The following OPCML variants were observed in gnomAD, a reference collection of about 807,000 sequenced individuals.
OPCML encodes opioid-binding protein/cell adhesion molecule.
Under a neutral mutation model 37.8 loss-of-function variants are expected in OPCML, and 13 were observed. The observed-to-expected ratio is 0.34, with a 90% confidence interval of 0.22 to 0.55. The LOEUF (loss-of-function observed/expected upper bound fraction) is 0.55. Ranked by LOEUF, OPCML falls within the 20% of genes least tolerant of loss-of-function variation. The pLI, the probability that OPCML is intolerant of heterozygous loss-of-function variation, is 0.91. For synonymous variants in OPCML, 176 were observed against 168.8 expected, an observed-to-expected ratio of 1.04 and a Z score of -0.33; for missense variants, 341 against 435.6, an observed-to-expected ratio of 0.78 and a Z score of 1.93.
chr11:132,687,210 A>G (rs1454826518), intron 2 of OPCML, among the ~76,000 whole-genome samples: 2 of 150,718 alleles, frequency 1.3e-5, no homozygotes, highest in East Asian at 2.0e-4. Context: ...AGGGGACCAA[A>G]TTTTTCTTGA....
At chr11:133,028,249 A>T (rs1947601043) in intron 1 of OPCML, among the ~76,000 whole-genome samples, 1 of 152,130 alleles carries the variant, frequency 6.6e-6, no homozygotes, top group Non-Finnish European at 1.5e-5. Flanking sequence ...CTTAAAAAAA[A>T]ATAAAACCCA....
intron 1 of OPCML, among the ~76,000 whole-genome samples, chr11:133,526,772 C>T (rs933690698): frequency 6.6e-6 from 1 of 152,190 alleles, no homozygotes; most frequent in Non-Finnish European, 1.5e-5. Context: ...AAGTCTGGGT[C>T]TCCCACCAAC....
intron 4 of OPCML, among the ~76,000 whole-genome samples, chr11:132,469,794 A>G (rs958026734): frequency 6.4e-3 from 153 of 23,976 alleles, no homozygotes; most frequent in South Asian, 0.011. Flanking sequence ...GTGTGTGTGG[A>G]GGGGTGTGTG....
At chr11:133,361,637 ACCTGCAGCTATCCCGGGGCG>A (rs1352443365) in intron 1 of OPCML, 12 of 161,788 alleles carry the variant, frequency 7.4e-5, no homozygotes, top group East Asian at 3.8e-4. Context: ...ATTCCGGGGC[ACCTGCAGCTATCCCGGGGCG>A]CCTGCAGCTA....
intron 2 of OPCML, among the ~76,000 whole-genome samples, chr11:132,764,913 G>A (rs989204910): frequency 2.2e-4 from 33 of 152,228 alleles, no homozygotes; most frequent in Non-Finnish European, 4.4e-4. Flanking sequence ...TGCTCTACCA[G>A]GGCTTGTGCA....
intron 1 of OPCML, among the ~76,000 whole-genome samples, chr11:133,330,848 T>TA (rs1007775975): frequency 2.0e-5 from 3 of 152,176 alleles, no homozygotes; most frequent in Admixed American, 1.3e-4. Flanking sequence ...TAATAAAATT[T>TA]AAAAAAATGT....
intron 1 of OPCML, among the ~76,000 whole-genome samples, chr11:133,027,864 T>C (rs1280603255): frequency 2.3e-4 from 2 of 8,654 alleles, no homozygotes; most frequent in Non-Finnish European, 6.1e-4. Context: ...GTGTGGGTTT[T>C]GTACCTCCAT....
chr11:133,024,334 C>T (rs746312023), intron 1 of OPCML: 29 of 984,780 alleles, frequency 2.9e-5, no homozygotes, highest in South Asian at 1.9e-4. Context: ...GAAGGAAGTG[C>T]GTTCTTTACA....
chr11:133,309,337 A>G (rs1169579705), intron 1 of OPCML, among the ~76,000 whole-genome samples: 1 of 152,206 alleles, frequency 6.6e-6, no homozygotes, highest in Non-Finnish European at 1.5e-5. Flanking sequence ...GTCCTTCCCA[A>G]TAATTTATAA....
intron 4 of OPCML, among the ~76,000 whole-genome samples, chr11:132,505,513 G>A (rs1449460097): frequency 1.3e-5 from 2 of 152,156 alleles, no homozygotes; most frequent in African/African-American, 4.8e-5. Flanking sequence ...GGCTGCTTAA[G>A]GGGCAAAAGA....
chr11:132,984,755 C>T (rs1016747956), intron 1 of OPCML, among the ~76,000 whole-genome samples: 3 of 152,344 alleles, frequency 2.0e-5, no homozygotes, highest in Admixed American at 6.5e-5. Flanking sequence ...CCACCAGCAA[C>T]AGCTTGAAGA....
chr11:133,202,884 T>G (rs905747391), intron 1 of OPCML, among the ~76,000 whole-genome samples: 2 of 152,240 alleles, frequency 1.3e-5, no homozygotes, highest in Non-Finnish European at 2.9e-5. Flanking sequence ...CTCCCGGACA[T>G]GCAGCTCAGC....
At chr11:132,523,905 A>G (rs2096300955) in intron 4 of OPCML, among the ~76,000 whole-genome samples, 1 of 152,194 alleles carries the variant, frequency 6.6e-6, no homozygotes, top group Non-Finnish European at 1.5e-5. Context: ...GCTCCCTGAG[A>G]TGTTACTGTA....
intron 1 of OPCML, among the ~76,000 whole-genome samples, chr11:133,097,704 G>T (rs1424896176): frequency 1.3e-5 from 2 of 152,038 alleles, no homozygotes; most frequent in African/African-American, 4.8e-5. Flanking sequence ...CCAACCCATG[G>T]ACATTAAAAG....
chr11:133,015,004 C>T (rs773375626), intron 1 of OPCML, among the ~76,000 whole-genome samples: 30 of 152,176 alleles, frequency 2.0e-4, no homozygotes, highest in Non-Finnish European at 4.0e-4. Flanking sequence ...GGATGAAATG[C>T]ATCTACAGGC....
At chr11:133,254,547 A>G (rs1158188570) in intron 1 of OPCML, among the ~76,000 whole-genome samples, 1 of 152,230 alleles carries the variant, frequency 6.6e-6, no homozygotes, top group East Asian at 1.9e-4. Context: ...TACTGATTCC[A>G]TTATGATGAC....
chr11:132,573,603 G>T (rs1316239232), intron 3 of OPCML, among the ~76,000 whole-genome samples: 1 of 151,838 alleles, frequency 6.6e-6, no homozygotes, highest in East Asian at 1.9e-4. Context: ...GGTGCATGAT[G>T]CTTTGAATAT....
chr11:133,047,973 G>A (rs1198320898), intron 1 of OPCML, among the ~76,000 whole-genome samples: 2 of 152,052 alleles, frequency 1.3e-5, no homozygotes, highest in Non-Finnish European at 1.5e-5. Context: ...TGCCCTATTT[G>A]TCCTTGTCCA....
At chr11:133,118,790 C>A (rs1949377272) in intron 1 of OPCML, among the ~76,000 whole-genome samples, 1 of 152,152 alleles carries the variant, frequency 6.6e-6, no homozygotes. Context: ...CCTGGCCATG[C>A]CTCCCTCTCC....
Sources: allele counts gnomAD v4.1 joint callset (sites outside exome capture counted in the v4.1 genomes callset), GRCh38; gene constraint gnomAD v4.1.1; transcripts MANE v1.5; gene names NCBI Gene and HGNC (gene_info 2026-07-23, HGNC 2026-07-21).